Variants in KIF6 observed in about 807,000 individuals in gnomAD.
KIF6 encodes the protein kinesin-like protein KIF6.
Under a neutral mutation model 112.7 loss-of-function variants are expected in KIF6, and 106 were observed. The ratio of observed to expected loss-of-function variants is 0.94; its 90% CI spans 0.80 to 1.11. KIF6 has a LOEUF of 1.11. Among genes scored for constraint, KIF6 ranks in the 50% least tolerant of loss-of-function variants. The pLI is 0.00. For synonymous variants in KIF6, 339 were observed against 339.9 expected (o/e 1.00, Z 0.03); for missense variants, 929 against 964.0 (o/e 0.96, Z 0.48).
intron 6 of KIF6, among the ~76,000 whole-genome samples, chr6:39,606,434 A>G (rs1412786192): frequency 6.6e-6 from 1 of 152,134 alleles, no homozygotes; most frequent in Non-Finnish European, 1.5e-5. Flanking sequence ...CATATATATA[A>G]ATAGGTTGTG....
chr6:39,571,570 C>T (rs1474940920), intron 10 of KIF6, among the ~76,000 whole-genome samples: 2 of 152,138 alleles, frequency 1.3e-5, no homozygotes, highest in East Asian at 1.9e-4. Flanking sequence ...ATTTCCCGCA[C>T]CTAAAACAGT....
In KIF6 at chr6:39,540,076, T is replaced by G. The variant is rs558623290; in HGVS notation, c.1572A>C (p.Leu524=). The G allele has an allele frequency of 2.0e-4, 329 of 1,614,176 alleles. 3 individuals carry two copies. In the South Asian group the frequency reaches 3.4e-3, roughly 17 times the overall value. Reference sequence around the variant, plus strand: ...CCTGGGCCTGTGAGGGAGCTGAGGATAGTCGCATTCTTTGACCTTCTTCTG... The same window carrying G: ...CCTGGGCCTGTGAGGGAGCTGAGGAGAGTCGCATTCTTTGACCTTCTTCTG... ...GNPEEGQRMR[L]SSAPSQAQDF... The change falls in exon 13 of 23, where the codon CTA becomes CTC. Residue 524 remains leucine, a synonymous_variant. Transcript: ENST00000287152.
intron 9 of KIF6, among the ~76,000 whole-genome samples, chr6:39,584,418 A>C (rs1157663630): frequency 1.0e-4 from 3 of 29,462 alleles, no homozygotes; most frequent in African/African-American, 2.9e-4. Context: ...CTCTGTCTCT[A>C]AAAAAAAAAA....
At chr6:39,348,965 A>C (rs1764004252) in intron 19 of KIF6, among the ~76,000 whole-genome samples, 1 of 152,102 alleles carries the variant, frequency 6.6e-6, no homozygotes, top group Non-Finnish European at 1.5e-5. Context: ...TGTCGGAGGG[A>C]CCTTTGCACA....
chr6:39,454,176 AC>A (rs1562230799), intron 13 of KIF6, among the ~76,000 whole-genome samples: 2 of 152,162 alleles, frequency 1.3e-5, no homozygotes, highest in Non-Finnish European at 2.9e-5. Flanking sequence ...GGAAACCTAA[AC>A]TTTAAGCTTC....
intron 13 of KIF6, among the ~76,000 whole-genome samples, chr6:39,435,941 C>T (rs1771496378): frequency 1.3e-5 from 2 of 152,228 alleles, no homozygotes; most frequent in East Asian, 1.9e-4. Flanking sequence ...ATTTTCATAG[C>T]GTTTTCCATA....
intron 6 of KIF6, 119 bp from the exon 7 acceptor site, chr6:39,596,379 G>T: frequency 1.4e-6 from 1 of 698,978 alleles, no homozygotes; most frequent in Non-Finnish European, 2.4e-6. Context: ...ACTGTCAACT[G>T]GAGCAAAACC....
chr6:39,600,306 T>C (rs998805695), intron 6 of KIF6, among the ~76,000 whole-genome samples: 1 of 152,206 alleles, frequency 6.6e-6, no homozygotes, highest in Admixed American at 6.5e-5. Flanking sequence ...ATTAATCACC[T>C]GCATGCAGAG....
At chr6:39,613,155 T>C (rs758284191) in intron 6 of KIF6, 34 bp downstream of exon 6, 12 of 1,523,296 alleles carry the variant, frequency 7.9e-6, no homozygotes, top group Non-Finnish European at 9.7e-6. Flanking sequence ...TCTTATAATG[T>C]TGAAGAAACA....
At chr6:39,434,630 A>G (rs1314968227) in intron 13 of KIF6, among the ~76,000 whole-genome samples, 2 of 152,030 alleles carry the variant, frequency 1.3e-5, no homozygotes, top group African/African-American at 4.8e-5. Context: ...AAGTGAACAA[A>G]TATTTACAAT....
intron 13 of KIF6, among the ~76,000 whole-genome samples, chr6:39,536,585 C>T (rs918413514): frequency 6.6e-5 from 10 of 152,140 alleles, no homozygotes; most frequent in South Asian, 6.2e-4. Context: ...AGCTTACCAA[C>T]GAAAAAGAGT....
intron 13 of KIF6, among the ~76,000 whole-genome samples, chr6:39,482,257 C>G (rs1262151269): frequency 4.6e-5 from 7 of 152,160 alleles, no homozygotes; most frequent in Non-Finnish European, 8.8e-5. Flanking sequence ...TACTTTAGAT[C>G]AAACTGAAAT....
intron 3 of KIF6, among the ~76,000 whole-genome samples, chr6:39,663,013 G>A: frequency 6.6e-6 from 1 of 151,506 alleles, no homozygotes; most frequent in Admixed American, 6.6e-5. Flanking sequence ...TCCCACTTCA[G>A]CCTCCTAGTA....
chr6:39,582,103 C>T (rs558338392), intron 9 of KIF6, among the ~76,000 whole-genome samples: 46 of 152,142 alleles, frequency 3.0e-4, no homozygotes, highest in Non-Finnish European at 4.7e-4. Context: ...TACATTGGCA[C>T]CCTTCTCTAT....
At chr6:39,561,791 GGACAGGGTTACCCAGGGAGTCCCCA>G (rs1180134585) in intron 10 of KIF6, among the ~76,000 whole-genome samples, 6 of 152,228 alleles carry the variant, frequency 3.9e-5, no homozygotes, top group Non-Finnish European at 7.3e-5. Context: ...GCCATGGGCA[GGACAGGGTTACCCAGGGAGTCCCCA>G]GACAGGAACC....
chr6:39,375,209 G>A (rs952663506), intron 16 of KIF6, among the ~76,000 whole-genome samples: 5 of 152,154 alleles, frequency 3.3e-5, no homozygotes, highest in African/African-American at 1.2e-4. Context: ...AGGGGTGGGA[G>A]GTCAGGAGAG....
intron 3 of KIF6, among the ~76,000 whole-genome samples, chr6:39,670,619 G>A (rs1786758128): frequency 6.6e-6 from 1 of 152,060 alleles, no homozygotes; most frequent in African/African-American, 2.4e-5. Flanking sequence ...GGGTGACAGA[G>A]GTGGGAGAAA....
intron 3 of KIF6, among the ~76,000 whole-genome samples, chr6:39,652,092 A>C (rs561551467): frequency 2.0e-5 from 3 of 152,298 alleles, no homozygotes; most frequent in East Asian, 3.9e-4. Context: ...GGGGCACACT[A>C]TGAGAAGAGA....
At chr6:39,348,633 T>A in intron 19 of KIF6, among the ~76,000 whole-genome samples, 1 of 152,136 alleles carries the variant, frequency 6.6e-6, no homozygotes, top group Non-Finnish European at 1.5e-5. Context: ...ATACCAGCCA[T>A]CAGAATGAAG....
Sources: allele counts gnomAD v4.1 joint callset (sites outside exome capture counted in the v4.1 genomes callset), GRCh38; gene constraint gnomAD v4.1.1; transcripts MANE v1.5; gene names NCBI Gene and HGNC (gene_info 2026-07-23, HGNC 2026-07-21).